APBA2: variants seen among roughly 807,000 people sequenced by gnomAD.
The protein encoded by APBA2 is amyloid-beta A4 precursor protein-binding family A member 2.
A neutral mutation model predicts 75.0 loss-of-function variants in APBA2; 30 were observed. The ratio of observed to expected loss-of-function variants is 0.40; its 90% CI spans 0.30 to 0.54. The LOEUF is 0.54. Ranked by LOEUF, APBA2 falls within the 20% of genes least tolerant of loss-of-function variation. APBA2 has a pLI of 0.49. For missense variants in APBA2, 801 were observed against 1,016.1 expected (o/e 0.79, Z 2.88); for synonymous variants, 444 against 409.6 (o/e 1.08, Z -1.01).
intron 2 of APBA2, among the ~76,000 whole-genome samples, chr15:28,947,984 C>T (rs981651139): frequency 2.0e-5 from 3 of 152,216 alleles, no homozygotes; most frequent in African/African-American, 4.8e-5. Context: ...AGAGCCAAGT[C>T]GTGGCTCTAG....
At chr15:28,917,266 T>G (rs954093104) in intron 1 of APBA2, among the ~76,000 whole-genome samples, 30 of 152,172 alleles carry the variant, frequency 2.0e-4, no homozygotes, top group African/African-American at 7.2e-4. Flanking sequence ...CTCCTCAATT[T>G]GGAGAGAGAG....
intron 3 of APBA2, among the ~76,000 whole-genome samples, chr15:29,017,666 C>T (rs765171944): frequency 2.4e-4 from 37 of 152,160 alleles, no homozygotes; most frequent in Middle Eastern, 3.4e-3. Context: ...CCAATGTGCC[C>T]GGCACCATCT....
chr15:28,962,965 T>C (rs1197161715), intron 2 of APBA2, among the ~76,000 whole-genome samples: 1 of 152,152 alleles, frequency 6.6e-6, no homozygotes, highest in Non-Finnish European at 1.5e-5. Context: ...CCTGCACAGA[T>C]ATCAGTATGT....
rs186023890 is a variant in APBA2, at chr15:29,022,520, T to C, written c.-41+26714T>C. On this transcript the variant is annotated intron_variant, in intron 3 of 14. Transcript: ENST00000683413. ...ATAGCGTAACTCAGGGATATATATA[T>C]AGCTTTTAAAAAATGAGTTGCAAAG... Among the ~76,000 whole-genome samples the C allele has an allele frequency of 6.6e-5, 10 of 152,258 alleles. No homozygotes were observed. In the East Asian group the frequency reaches 1.9e-3, roughly 29 times the overall value.
At chr15:28,997,238 G>A (rs1453438238) in intron 3 of APBA2, among the ~76,000 whole-genome samples, 1 of 152,186 alleles carries the variant, frequency 6.6e-6, no homozygotes, top group East Asian at 1.9e-4. Context: ...TTTAAGAGAT[G>A]CAGGACAATC....
At chr15:28,986,003 C>T (rs1188443899) in intron 2 of APBA2, among the ~76,000 whole-genome samples, 1 of 152,200 alleles carries the variant, frequency 6.6e-6, no homozygotes, top group African/African-American at 2.4e-5. Context: ...GGTGCCCTCC[C>T]TGCCTCTCAG....
chr15:29,016,448 G>A (rs1004104932), intron 3 of APBA2, among the ~76,000 whole-genome samples: 4 of 152,154 alleles, frequency 2.6e-5, no homozygotes, highest in Non-Finnish European at 5.9e-5. Flanking sequence ...GATGTTCTCT[G>A]TGGGACCTTT....
chr15:28,930,480 A>G (rs2034506584), intron 2 of APBA2, among the ~76,000 whole-genome samples: 1 of 152,196 alleles, frequency 6.6e-6, no homozygotes, highest in South Asian at 2.1e-4. Context: ...ATTGTTGGTC[A>G]GTCATGAAAA....
chr15:28,917,769 G>T (rs891942837), intron 1 of APBA2, among the ~76,000 whole-genome samples: 2 of 152,178 alleles, frequency 1.3e-5, no homozygotes, highest in African/African-American at 4.8e-5. Flanking sequence ...CTTTGTTTTA[G>T]TAGATCGTTA....
intron 1 of APBA2, among the ~76,000 whole-genome samples, chr15:28,908,857 G>A (rs2033277535): frequency 6.6e-6 from 1 of 152,132 alleles, no homozygotes; most frequent in African/African-American, 2.4e-5. Context: ...AATACACTCA[G>A]TGTTGTGCAA....
chr15:29,111,486 G>T (rs1288334566), intron 13 of APBA2, among the ~76,000 whole-genome samples: 2 of 152,126 alleles, frequency 1.3e-5, no homozygotes, highest in Non-Finnish European at 2.9e-5. Flanking sequence ...TGAAGCAAAT[G>T]AATAGGCATG....
At chr15:29,090,409 T>C (rs147192721) in intron 6 of APBA2, among the ~76,000 whole-genome samples, 1 of 152,254 alleles carries the variant, frequency 6.6e-6, no homozygotes, top group East Asian at 1.9e-4. Flanking sequence ...AGGACATGGG[T>C]CAACATGGAA....
chr15:29,088,261 G>A (rs940566530), intron 6 of APBA2, among the ~76,000 whole-genome samples: 1 of 152,106 alleles, frequency 6.6e-6, no homozygotes, highest in Admixed American at 6.6e-5. Context: ...GCTTCATCCT[G>A]CCCCCTTGCC....
intron 2 of APBA2, among the ~76,000 whole-genome samples, chr15:28,975,750 T>C (rs1346831031): frequency 6.6e-6 from 1 of 152,268 alleles, no homozygotes; most frequent in Non-Finnish European, 1.5e-5. Flanking sequence ...TTGCATCTTA[T>C]ATCACAAAGC....
intron 6 of APBA2, among the ~76,000 whole-genome samples, chr15:29,084,058 T>A (rs1566987141): frequency 6.6e-6 from 1 of 152,268 alleles, no homozygotes; most frequent in Non-Finnish European, 1.5e-5. Flanking sequence ...TTGTAAATGC[T>A]GACTTTCATT....
intron 2 of APBA2, among the ~76,000 whole-genome samples, chr15:28,962,260 A>G (rs918041718): frequency 1.3e-5 from 2 of 151,882 alleles, no homozygotes; most frequent in Admixed American, 6.6e-5. Flanking sequence ...TTATAATTGT[A>G]TATATTTTTT....
At chr15:28,891,475 C>T (rs149404663) in intron 1 of APBA2, among the ~76,000 whole-genome samples, 65,563 of 151,906 alleles carry the variant, frequency 0.43, 14,456 homozygotes, top group Non-Finnish European at 0.47. Flanking sequence ...CAACACGTGC[C>T]GAGAGACTGA....
chr15:28,994,320 A>AGT (rs1255133016), intron 2 of APBA2, among the ~76,000 whole-genome samples: 1 of 152,124 alleles, frequency 6.6e-6, no homozygotes, highest in Non-Finnish European at 1.5e-5. Context: ...CACTGCGGAA[A>AGT]GCGTGTGTGT....
At chr15:29,091,076 G>A (rs955900129) in intron 6 of APBA2, among the ~76,000 whole-genome samples, 1 of 152,140 alleles carries the variant, frequency 6.6e-6, no homozygotes, top group African/African-American at 2.4e-5. Context: ...GAGAATCCCG[G>A]TGTACCCTCT....
Sources: gnomAD v4.1 joint callset for allele counts (sites outside exome capture counted in the v4.1 genomes callset) on GRCh38, gnomAD v4.1.1 for gene constraint, MANE v1.5 for transcripts, NCBI Gene and HGNC (gene_info 2026-07-23, HGNC 2026-07-21) for gene names.